BBS9: variants seen among roughly 807,000 people sequenced by gnomAD.
The protein encoded by BBS9 is Bardet-Biedl syndrome 9.
In BBS9, 89 loss-of-function variants were observed where a neutral mutation model predicts 117.7. The ratio of observed to expected loss-of-function variants is 0.76; its 90% confidence interval spans 0.64 to 0.90. The LOEUF (loss-of-function observed/expected upper bound fraction) is 0.90. Among genes scored for constraint, BBS9 ranks in the 40% least tolerant of loss-of-function variants. The pLI, the probability that BBS9 is intolerant of heterozygous loss-of-function variation, is 0.00. For missense variants in BBS9, 982 were observed against 1,042.2 expected (o/e 0.94, Z 0.80); for synonymous variants, 379 against 370.9 (o/e 1.02, Z -0.25).
intron 21 of BBS9, among the ~76,000 whole-genome samples, chr7:33,543,822 G>A (rs4720123): frequency 0.46 from 69,983 of 152,002 alleles, 16,732 homozygotes; most frequent in South Asian, 0.57. Flanking sequence ...CTTCTTCCTC[G>A]GGTATACCGA....
At chr7:33,311,739 C>A (rs1343163421) in intron 9 of BBS9, among the ~76,000 whole-genome samples, 1 of 152,014 alleles carries the variant, frequency 6.6e-6, no homozygotes, top group East Asian at 1.9e-4. Context: ...ATCGCTTGAA[C>A]CTGAGAGGCG....
chr7:33,468,030 A>T (rs773477366), intron 19 of BBS9, among the ~76,000 whole-genome samples: 13 of 152,182 alleles, frequency 8.5e-5, no homozygotes, highest in Admixed American at 5.2e-4. Flanking sequence ...GTGCTCTGTG[A>T]TCTAAAAGTT....
At position 33,264,193 on chromosome 7, in the gene BBS9, T is replaced by G. The variant is rs1017008179; in HGVS notation, c.618-97T>G. The G allele has an allele frequency of 1.2e-5, 7 of 595,590 alleles. No individual in the cohort carries two copies. The African/African-American group carries it at 1.2e-4, about 10-fold the overall frequency. The allele number at this position is 595,590 out of a possible 1,614,324, so 36.9% of individuals were successfully genotyped here. ...TTAAAAACTAGGAAAAAGTGCTTTA[T>G]AAAGTTTATAGATTATTGTGTACTT... On this transcript the variant is annotated intron_variant, in intron 6 of 22. Transcript: ENST00000242067.
chr7:33,404,821 T>C (rs113137876), intron 19 of BBS9, among the ~76,000 whole-genome samples: 7 of 152,292 alleles, frequency 4.6e-5, no homozygotes, highest in South Asian at 4.2e-4. Context: ...CTTTTCCTAA[T>C]TGAATACCCT....
At chr7:33,324,563 G>C (rs1812442440) in intron 9 of BBS9, among the ~76,000 whole-genome samples, 1 of 147,636 alleles carries the variant, frequency 6.8e-6, no homozygotes, top group Non-Finnish European at 1.5e-5. Flanking sequence ...AGTAAGTTTT[G>C]TACCTTCAGA....
rs188370397 is a variant in BBS9, at chr7:33,423,255, C to T, written c.2115+35111C>T. ...CCGATTCCATAGCAGAGAACATCTG[C>T]CTCTGCTGCTGGGGTCAGGAGCAGC... On this transcript the variant is annotated intron_variant, in intron 19 of 22. Transcript: ENST00000242067. Among the ~76,000 whole-genome samples, 7 of 152,260 alleles carry T rather than the reference C, an allele frequency of 4.6e-5. No individual in the cohort carries two copies. In the East Asian group the frequency reaches 1.4e-3, roughly 29 times the overall value.
At chr7:33,338,537 G>A (rs1295392481) in intron 10 of BBS9, among the ~76,000 whole-genome samples, 1 of 152,104 alleles carries the variant, frequency 6.6e-6, no homozygotes, top group African/African-American at 2.4e-5. Context: ...TGTTTTCAAA[G>A]GAAGAGTTGC....
chr7:33,351,104 A>G (rs1423586860), intron 13 of BBS9, 115 bp from the exon 14 acceptor site: 1 of 676,560 alleles, frequency 1.5e-6, no homozygotes, highest in Non-Finnish European at 2.7e-6. Context: ...GAGTTACTTC[A>G]TGTAAGTGCT....
In BBS9 at chr7:33,605,461, C is replaced by G. The variant is rs1030516399; in HGVS notation, c.*235C>G. 4 of 581,206 alleles carry G rather than the reference C, an allele frequency of 6.9e-6. No homozygotes were observed. Among genetic ancestry groups the G allele is most frequent in the African/African-American group, 5.6e-5 (3 of 53,574 alleles). 36.0% of individuals were successfully genotyped at this position (581,206 alleles called of 1,614,324 possible). On this transcript the variant is annotated 3_prime_UTR_variant, in exon 23 of 23. Transcript: ENST00000242067. The stretch of plus-strand genomic sequence containing the variant: ...GTTTTGCCAGGAAAGGAAGTAGTTG[C>G]CTTTGGTCATCCATCTGCTAATAGT...
At chr7:33,572,848 A>G (rs192447596) in intron 21 of BBS9, among the ~76,000 whole-genome samples, 75 of 151,994 alleles carry the variant, frequency 4.9e-4, no homozygotes, top group African/African-American at 1.7e-3. Context: ...TCAATCAACT[A>G]TTTACCTATC....
At chr7:33,354,054 T>G (rs1485541533) in intron 15 of BBS9, among the ~76,000 whole-genome samples, 5 of 152,106 alleles carry the variant, frequency 3.3e-5, no homozygotes, top group East Asian at 1.9e-4. Context: ...TCAAAGAAAT[T>G]TATTCCTTCT....
intron 19 of BBS9, among the ~76,000 whole-genome samples, chr7:33,430,212 G>A (rs1322407363): frequency 6.6e-6 from 1 of 152,314 alleles, no homozygotes; most frequent in Non-Finnish European, 1.5e-5. Flanking sequence ...ACTGAAATTC[G>A]TGTATTCACT....
intron 21 of BBS9, among the ~76,000 whole-genome samples, chr7:33,599,565 C>A (rs990975187): frequency 6.6e-6 from 1 of 152,126 alleles, no homozygotes; most frequent in Non-Finnish European, 1.5e-5. Flanking sequence ...ATTTGATTGT[C>A]AGCAATTCAG....
At chr7:33,290,316 G>A (rs1803767276) in intron 9 of BBS9, among the ~76,000 whole-genome samples, 1 of 152,088 alleles carries the variant, frequency 6.6e-6, no homozygotes, top group Admixed American at 6.6e-5. Flanking sequence ...TCAAGCAGCT[G>A]CAACACAGTT....
chr7:33,573,003 C>T (rs1858081620), intron 21 of BBS9, among the ~76,000 whole-genome samples: 1 of 151,996 alleles, frequency 6.6e-6, no homozygotes, highest in Admixed American at 6.6e-5. Flanking sequence ...CCTTCCCTCT[C>T]ACCCCTCCCT....
In BBS9 at chr7:33,357,970, A is replaced by G. The variant is rs1819941854; in HGVS notation, c.1668A>G (p.Pro556=). The G allele has an allele frequency of 2.5e-6, 4 of 1,612,366 alleles. No individual in the cohort carries two copies. Among genetic ancestry groups the G allele is most frequent in the East Asian group, 2.2e-5 (1 of 44,818 alleles). ...HKITIDTNKS[P]VSLLSLFPGF... is the part of the protein sequence containing the mutation. ...TTACTATTGATACCAACAAATCTCC[A>G]GTCAGTCTTCTTAGTCTCTTCCCAG... The change falls in exon 16 of 23, where the codon CCA becomes CCG. Residue 556 remains proline, a synonymous_variant. Coordinates refer to ENST00000242067, the MANE Select transcript of BBS9 (RefSeq NM_198428.3).
rs555447087 is a variant in BBS9, at chr7:33,256,703, G to A, written c.443-533G>A. Among the ~76,000 whole-genome samples, 9 of 152,188 alleles carry A rather than the reference G, an allele frequency of 5.9e-5. No homozygotes were observed. In the South Asian group the frequency reaches 1.0e-3, roughly 18 times the overall value. On this transcript the variant is annotated intron_variant, in intron 5 of 22. Coordinates refer to ENST00000242067, the MANE Select transcript of BBS9 (RefSeq NM_198428.3). ...TACTATAGTACTTACTGTATATGGT[G>A]TATGAGCTAGAGATGACAAGGTACA...
At chr7:33,353,241 T>A (rs1246507825) in intron 15 of BBS9, among the ~76,000 whole-genome samples, 2 of 152,218 alleles carry the variant, frequency 1.3e-5, no homozygotes, top group Admixed American at 6.5e-5. Context: ...TGTTTGTCAC[T>A]GAATTCTAAG....
chr7:33,610,726 A>G (rs1457727901), downstream of BBS9, among the ~76,000 whole-genome samples: 2 of 152,082 alleles, frequency 1.3e-5, no homozygotes, highest in African/African-American at 4.8e-5. Flanking sequence ...CCTTAAATAT[A>G]CTATAGGTCT....
Sources: gnomAD v4.1 joint callset for allele counts (sites outside exome capture counted in the v4.1 genomes callset) on GRCh38, gnomAD v4.1.1 for gene constraint, MANE v1.5 for transcripts, NCBI Gene and HGNC (gene_info 2026-07-23, HGNC 2026-07-21) for gene names.